CLYBL: variants seen among roughly 807,000 people sequenced by gnomAD.
CLYBL encodes the protein citramalyl-CoA lyase, mitochondrial.
A neutral mutation model predicts 38.9 loss-of-function variants in CLYBL; 31 were observed. That is an observed-to-expected ratio of 0.80 (90% CI 0.60 to 1.08). The LOEUF (loss-of-function observed/expected upper bound fraction) is 1.08. Ranked by LOEUF, CLYBL falls within the 50% of genes least tolerant of loss-of-function variation. The pLI is 0.00. For synonymous variants in CLYBL, 171 were observed against 158.6 expected, an observed-to-expected ratio of 1.08 and a Z score of -0.59; for missense variants, 434 against 411.6, an observed-to-expected ratio of 1.05 and a Z score of -0.47.
rs1389621348 is a variant in CLYBL at position 99,800,894 on chromosome 13, CA to C, written c.249+27896del. ...GTCTCAAATTAAAAAACAACAACAACAAAAAAAAAAAACAAAAAAAAAAAAA... is the reference window on the plus strand; with the variant it reads ...GTCTCAAATTAAAAAACAACAACAACAAAAAAAAAAACAAAAAAAAAAAAA... On this transcript the variant is annotated intron_variant, in intron 2 of 8. Coordinates refer to ENST00000339105, the MANE Select transcript of CLYBL (RefSeq NM_206808.5). Among the ~76,000 whole-genome samples the C allele has an allele frequency of 3.8e-3, 439 of 114,424 alleles. 4 individuals are homozygous for C. Among genetic ancestry groups the C allele is most frequent in the East Asian group, 0.038 (169 of 4,468 alleles). 75.1% of individuals were successfully genotyped at this position (114,424 alleles called of 152,430 possible).
At chr13:99,689,560 CCCAGT>C (rs2047869753) in intron 1 of CLYBL, among the ~76,000 whole-genome samples, 1 of 152,172 alleles carries the variant, frequency 6.6e-6, no homozygotes, top group Non-Finnish European at 1.5e-5. Context: ...ATCCCATGTG[CCCAGT>C]CATATCTGTA....
At chr13:99,842,475 C>T (rs1277330744) in intron 2 of CLYBL, among the ~76,000 whole-genome samples, 2 of 152,120 alleles carry the variant, frequency 1.3e-5, no homozygotes, top group African/African-American at 4.8e-5. Context: ...AGTTGATTTG[C>T]CCCCTCTAGG....
chr13:99,653,076 A>G (rs1024991653), intron 1 of CLYBL, among the ~76,000 whole-genome samples: 4 of 152,164 alleles, frequency 2.6e-5, no homozygotes, highest in African/African-American at 7.2e-5. Context: ...AAATCACAGG[A>G]GGCAGGAATG....
intron 1 of CLYBL, among the ~76,000 whole-genome samples, chr13:99,658,985 A>C (rs961495633): frequency 6.6e-6 from 1 of 152,170 alleles, no homozygotes; most frequent in African/African-American, 2.4e-5. Flanking sequence ...TTTTTACATA[A>C]TTAAAAGAGA....
At chr13:99,689,604 T>C (rs2047870109) in intron 1 of CLYBL, among the ~76,000 whole-genome samples, 1 of 152,214 alleles carries the variant, frequency 6.6e-6, no homozygotes, top group Non-Finnish European at 1.5e-5. Flanking sequence ...GAAGACTGTA[T>C]TCAATTGTTT....
At chr13:99,609,712 A>G (rs1196714825) in intron 1 of CLYBL, among the ~76,000 whole-genome samples, 3 of 149,866 alleles carry the variant, frequency 2.0e-5, no homozygotes, top group Non-Finnish European at 4.4e-5. Flanking sequence ...AATTGTTTCT[A>G]TTCTTTTGTA....
intron 1 of CLYBL, among the ~76,000 whole-genome samples, chr13:99,728,902 C>T (rs1441529980): frequency 3.3e-5 from 5 of 152,284 alleles, no homozygotes; most frequent in Admixed American, 2.0e-4. Flanking sequence ...TAAATATAAA[C>T]TGGGTCCTTC....
chr13:99,633,210 C>CAAAAAAAAAAA, intron 1 of CLYBL, among the ~76,000 whole-genome samples: 1 of 62,720 alleles, frequency 1.6e-5, no homozygotes, highest in Non-Finnish European at 2.9e-5. Context: ...GATCCTGTCT[C>CAAAAAAAAAAA]AAAAAAAAAA....
chr13:99,750,258 G>A (rs1017738357), intron 1 of CLYBL, among the ~76,000 whole-genome samples: 1 of 152,266 alleles, frequency 6.6e-6, no homozygotes, highest in East Asian at 1.9e-4. Context: ...TTACGAATCT[G>A]TCATACTGCT....
intron 1 of CLYBL, among the ~76,000 whole-genome samples, chr13:99,613,767 G>C (rs1566588553): frequency 6.6e-6 from 1 of 152,198 alleles, no homozygotes; most frequent in Admixed American, 6.5e-5. Context: ...TTTGCTACTT[G>C]AACTGGTATT....
chr13:99,879,404 T>C (rs950273112), intron 7 of CLYBL, among the ~76,000 whole-genome samples: 2 of 152,134 alleles, frequency 1.3e-5, no homozygotes, highest in African/African-American at 4.8e-5. Flanking sequence ...GCTACACCTC[T>C]TCCTTTTCTG....
chr13:99,735,737 TTAAG>T (rs1326528728), intron 1 of CLYBL, among the ~76,000 whole-genome samples: 12 of 152,170 alleles, frequency 7.9e-5, no homozygotes, highest in Non-Finnish European at 1.2e-4. Context: ...GTCCAAAGGA[TTAAG>T]TGAGATAATG....
intron 1 of CLYBL, among the ~76,000 whole-genome samples, chr13:99,750,192 C>T (rs1047265764): frequency 4.6e-5 from 7 of 151,118 alleles, no homozygotes; most frequent in Non-Finnish European, 7.4e-5. Context: ...TATGCTCCTG[C>T]GACCCCCTCA....
intron 1 of CLYBL, among the ~76,000 whole-genome samples, chr13:99,662,932 A>G (rs980663089): frequency 6.6e-6 from 1 of 152,220 alleles, no homozygotes; most frequent in African/African-American, 2.4e-5. Context: ...GAGGTCCGAG[A>G]TGGTCACTGC....
intron 2 of CLYBL, among the ~76,000 whole-genome samples, chr13:99,848,515 A>G (rs529150461): frequency 6.6e-6 from 1 of 152,352 alleles, no homozygotes; most frequent in African/African-American, 2.4e-5. Context: ...AAAAAAGGGC[A>G]CATCCCCTGT....
In CLYBL at chr13:99,771,882, T is replaced by C. The variant is rs532835219; in HGVS notation, c.63-942T>C. On this transcript the variant is annotated intron_variant, in intron 1 of 8. Coordinates refer to ENST00000339105, the MANE Select transcript of CLYBL (RefSeq NM_206808.5). Reference sequence around the variant, plus strand: ...AGTGCTTCATGTTCATTATTTCCTTTAACTTAATCTTCTCAACAACCTACA... The same window carrying C: ...AGTGCTTCATGTTCATTATTTCCTTCAACTTAATCTTCTCAACAACCTACA... Among the ~76,000 whole-genome samples, 4 of 152,350 alleles carry C rather than the reference T, an allele frequency of 2.6e-5. No homozygotes were observed. The South Asian group carries it at 8.3e-4, about 32-fold the overall frequency.
intron 1 of CLYBL, among the ~76,000 whole-genome samples, chr13:99,633,210 C>CAAAAAA (rs59801603): frequency 6.4e-5 from 4 of 62,726 alleles, no homozygotes; most frequent in Non-Finnish European, 8.7e-5. Flanking sequence ...GATCCTGTCT[C>CAAAAAA]AAAAAAAAAA....
rs796077908 is a variant in CLYBL at position 99,671,792 on chromosome 13, A to AT, written c.62+65035_62+65036insT. ...AAGACTCTTTCTCAAAAAAAAAAAA[A>AT]AAATAATAAAAGCTACTGCAAAAGT... On this transcript the variant is annotated intron_variant, in intron 1 of 8. Transcript: ENST00000339105. Among the ~76,000 whole-genome samples the AT allele has an allele frequency of 7.6e-3, 1,052 of 139,154 alleles. 10 individuals carry two copies. Among genetic ancestry groups the AT allele is most frequent in the Middle Eastern group, 0.059 (15 of 256 alleles). The allele number at this position is 139,154 out of a possible 152,430, so 91.3% of individuals were successfully genotyped here. A position where few individuals can be genotyped will look rare whatever the true frequency, so the allele number is the denominator to read the frequency against.
intron 1 of CLYBL, among the ~76,000 whole-genome samples, chr13:99,683,843 G>A (rs894753140): frequency 6.7e-6 from 1 of 150,370 alleles, no homozygotes; most frequent in Non-Finnish European, 1.5e-5. Context: ...TATGTACTGT[G>A]CATGGTTGTA....
Sources: allele counts gnomAD v4.1 joint callset (sites outside exome capture counted in the v4.1 genomes callset), GRCh38; gene constraint gnomAD v4.1.1; transcripts MANE v1.5; gene names NCBI Gene and HGNC (gene_info 2026-07-23, HGNC 2026-07-21).